Variants in ANO2 observed in about 807,000 individuals in gnomAD.
ANO2 encodes anoctamin-2.
A neutral mutation model predicts 124.2 loss-of-function variants in ANO2; 101 were observed. The ratio of observed to expected loss-of-function variants is 0.81; its 90% confidence interval spans 0.69 to 0.96. The LOEUF (loss-of-function observed/expected upper bound fraction) is 0.96. ANO2 is among the 40% of genes least tolerant of loss of function. The pLI is 0.00. For missense variants in ANO2, 1,293 were observed against 1,274.5 expected (o/e 1.01, Z -0.22); for synonymous variants, 486 against 482.5 (o/e 1.01, Z -0.09).
At chr12:5,679,429 G>C (rs1948397403) in intron 14 of ANO2, among the ~76,000 whole-genome samples, 1 of 152,048 alleles carries the variant, frequency 6.6e-6, no homozygotes, top group Admixed American at 6.6e-5. Context: ...AGCAACTTAA[G>C]CAAATTTACA....
chr12:5,789,993 C>T (rs1403861558), intron 10 of ANO2, among the ~76,000 whole-genome samples: 3 of 152,154 alleles, frequency 2.0e-5, no homozygotes, highest in East Asian at 1.9e-4. Flanking sequence ...CAAACAGTGG[C>T]TCCCGGGATC....
At chr12:5,640,224 T>C (rs1946266544) in intron 15 of ANO2, among the ~76,000 whole-genome samples, 1 of 152,174 alleles carries the variant, frequency 6.6e-6, no homozygotes, top group Non-Finnish European at 1.5e-5. Context: ...ACCTTCCTAA[T>C]GCCCATGGTC....
chr12:5,673,413 T>C (rs541016385), intron 14 of ANO2, among the ~76,000 whole-genome samples: 184 of 152,350 alleles, frequency 1.2e-3, no homozygotes, highest in African/African-American at 4.3e-3. Flanking sequence ...GGAAGCAGTT[T>C]GTCCTTGTAA....
At chr12:5,640,945 T>C (rs1225620418) in intron 15 of ANO2, among the ~76,000 whole-genome samples, 1 of 152,178 alleles carries the variant, frequency 6.6e-6, no homozygotes, top group Non-Finnish European at 1.5e-5. Flanking sequence ...TGCAGCACTA[T>C]TCACAACAGC....
chr12:5,677,744 A>G (rs909096600), intron 14 of ANO2, among the ~76,000 whole-genome samples: 3 of 152,214 alleles, frequency 2.0e-5, no homozygotes, highest in Non-Finnish European at 4.4e-5. Context: ...TACACCTTTC[A>G]AAAGGTGCTT....
intron 16 of ANO2, among the ~76,000 whole-genome samples, chr12:5,620,666 T>C (rs1945074097): frequency 6.6e-6 from 1 of 152,094 alleles, no homozygotes; most frequent in African/African-American, 2.4e-5. Flanking sequence ...TAGAATTCTA[T>C]AGGAGTAGGA....
chr12:5,573,928 CT>C (rs1942264842), intron 23 of ANO2, among the ~76,000 whole-genome samples: 2 of 152,224 alleles, frequency 1.3e-5, no homozygotes, highest in Non-Finnish European at 2.9e-5. Context: ...TTGGTGTTCT[CT>C]CGTTCATGGT....
At chr12:5,866,670 A>G (rs1955435478) in intron 3 of ANO2, among the ~76,000 whole-genome samples, 2 of 152,214 alleles carry the variant, frequency 1.3e-5, no homozygotes, top group African/African-American at 2.4e-5. Flanking sequence ...AATGTGCAGC[A>G]TGTAGAGACC....
intron 7 of ANO2, among the ~76,000 whole-genome samples, chr12:5,819,939 T>C (rs1953731460): frequency 1.3e-5 from 2 of 152,134 alleles, no homozygotes; most frequent in African/African-American, 2.4e-5. Flanking sequence ...ATCTGACTTA[T>C]GTAGAGCTCT....
At chr12:5,653,674 T>C (rs1249397598) in intron 14 of ANO2, among the ~76,000 whole-genome samples, 1 of 152,200 alleles carries the variant, frequency 6.6e-6, no homozygotes, top group African/African-American at 2.4e-5. Flanking sequence ...GCACTAGGCA[T>C]ACATAGAAGA....
intron 13 of ANO2, among the ~76,000 whole-genome samples, chr12:5,735,440 T>A (rs1860960): frequency 0.11 from 17,418 of 152,208 alleles, 1,143 homozygotes; most frequent in African/African-American, 0.18. Flanking sequence ...GCACCTGCTA[T>A]ACTCTGAGCT....
chr12:5,616,637 C>T (rs1316942073), intron 16 of ANO2, among the ~76,000 whole-genome samples: 3 of 152,168 alleles, frequency 2.0e-5, no homozygotes, highest in Non-Finnish European at 2.9e-5. Context: ...GTTCTGCGTC[C>T]AGATGAGACT....
intron 1 of ANO2, among the ~76,000 whole-genome samples, chr12:5,924,670 G>A (rs188930437): frequency 6.6e-6 from 1 of 152,222 alleles, no homozygotes; most frequent in African/African-American, 2.4e-5. Flanking sequence ...AGGCTAGATA[G>A]CTCCACAGGC....
rs189429009 is a variant in ANO2, at chr12:5,861,770, C to T, written c.535-7629G>A. 9.4e-4 allele frequency among the ~76,000 whole-genome samples: 143 copies of T among 152,290 alleles called. 1 individual carries two copies. The highest frequency in any genetic ancestry group is 2.2e-3 in the Admixed American group (34 of 15,300). ...ACTCCCTTGGACTCCCCTAAGACAT[C>T]ACCAGCGCCCCCACCACACCTGCTG... On this transcript the variant is annotated intron_variant, in intron 3 of 24. Transcript: ENST00000682330.
At chr12:5,661,703 C>A (rs1335590794) in intron 14 of ANO2, among the ~76,000 whole-genome samples, 1 of 152,170 alleles carries the variant, frequency 6.6e-6, no homozygotes, top group South Asian at 2.1e-4. Flanking sequence ...ACATGGGGGG[C>A]TTTTAAAAAT....
At chr12:5,851,565 A>C in intron 4 of ANO2, among the ~76,000 whole-genome samples, 1 of 152,092 alleles carries the variant, frequency 6.6e-6, no homozygotes, top group Non-Finnish European at 1.5e-5. Context: ...AGCACCTGTA[A>C]TCCCAGCTAA....
intron 3 of ANO2, chr12:5,856,470 A>G (rs991925864): frequency 3.3e-5 from 5 of 152,200 alleles, no homozygotes; most frequent in African/African-American, 1.2e-4. Flanking sequence ...AACAAAGCAC[A>G]TGGCCATCCA....
At chr12:5,820,566 G>A (rs2110170) in intron 7 of ANO2, among the ~76,000 whole-genome samples, 70,136 of 152,050 alleles carry the variant, frequency 0.46, 17,495 homozygotes, top group Admixed American at 0.6. Flanking sequence ...TGACTGGTAG[G>A]GTGAGAGCTA....
At chr12:5,767,903 T>C (rs985080523) in intron 10 of ANO2, among the ~76,000 whole-genome samples, 7 of 152,066 alleles carry the variant, frequency 4.6e-5, no homozygotes, top group Non-Finnish European at 2.9e-5. Context: ...TGAGCTGGGG[T>C]GTCCCTTCCT....
Sources: allele counts gnomAD v4.1 joint callset (sites outside exome capture counted in the v4.1 genomes callset), GRCh38; gene constraint gnomAD v4.1.1; transcripts MANE v1.5; gene names NCBI Gene and HGNC (gene_info 2026-07-23, HGNC 2026-07-21).